Variants in YES1 observed in about 807,000 individuals in gnomAD.
YES1 encodes the protein YES proto-oncogene 1, Src family tyrosine kinase.
A neutral mutation model predicts 70.4 loss-of-function variants in YES1; 39 were observed. The ratio of observed to expected loss-of-function variants is 0.55; its 90% CI spans 0.43 to 0.72. YES1 has a LOEUF of 0.72. YES1 is among the 30% of genes least tolerant of loss of function. The pLI is 0.00. For synonymous variants in YES1, 198 were observed against 218.6 expected (o/e 0.91, Z 0.83); for missense variants, 495 against 644.8 (o/e 0.77, Z 2.52).
At chr18:765,152 T>G (rs1904818453) in intron 1 of YES1, among the ~76,000 whole-genome samples, 1 of 148,988 alleles carries the variant, frequency 6.7e-6, no homozygotes, top group African/African-American at 2.5e-5. Flanking sequence ...GGGAGAGAAA[T>G]TAGGAAGCAA....
intron 1 of YES1, among the ~76,000 whole-genome samples, chr18:784,173 TAAG>T (rs1221370241): frequency 6.6e-6 from 1 of 152,220 alleles, no homozygotes; most frequent in African/African-American, 2.4e-5. Flanking sequence ...TTCTCATATT[TAAG>T]AAGAATTAAG....
chr18:739,552 G>T lies in YES1; in HGVS notation c.1137+183C>A, dbSNP rs113819660. The T allele has an allele frequency of 8.9e-4, 381 of 426,988 alleles. 2 individuals carry two copies. The highest frequency in any genetic ancestry group is 7.4e-3 in the African/African-American group (360 of 48,858). The allele number at this position is 426,988 out of a possible 1,614,324, so 26.4% of individuals were successfully genotyped here. A position where few individuals can be genotyped will look rare whatever the true frequency, so the allele number is the denominator to read the frequency against. On this transcript the variant is annotated intron_variant, in intron 9 of 11. Coordinates refer to ENST00000314574, the MANE Select transcript of YES1 (RefSeq NM_005433.4). The stretch of plus-strand genomic sequence containing the variant: ...CAAGAATTCAAGGCTCTTCAAGCAC[G>T]GAGCTATCAGTGCACCACTGCATTC...
At chr18:758,303 A>T (rs1904396152) in intron 1 of YES1, among the ~76,000 whole-genome samples, 1 of 152,190 alleles carries the variant, frequency 6.6e-6, no homozygotes, top group Non-Finnish European at 1.5e-5. Context: ...AGGGCTCAAG[A>T]GTTGTATATG....
In YES1 at chr18:734,096, C is replaced by G. The variant is rs183168297; in HGVS notation, c.1292-1131G>C. 2.0e-5 allele frequency among the ~76,000 whole-genome samples: 3 copies of G among 151,474 alleles called. No homozygotes were observed. In the East Asian group the frequency reaches 5.9e-4, roughly 30 times the overall value. ...GAGTTCAAGACCAGCCTGGCCAACA[C>G]GGTGAAACCCTGTCTGTACCAAAAA... On this transcript the variant is annotated intron_variant, in intron 10 of 11. Coordinates refer to ENST00000314574, the MANE Select transcript of YES1 (RefSeq NM_005433.4).
intron 4 of YES1, 133 bp downstream of exon 4, chr18:747,787 C>T: frequency 1.4e-6 from 1 of 708,928 alleles, no homozygotes; most frequent in South Asian, 2.3e-5. Context: ...TAAGTAACAT[C>T]TATTAATATG....
chr18:762,682 CACCAAA>C (rs1299922794), intron 1 of YES1, among the ~76,000 whole-genome samples: 1 of 152,090 alleles, frequency 6.6e-6, no homozygotes, highest in African/African-American at 2.4e-5. Context: ...GTGACGGGTG[CACCAAA>C]ACCTCAGAAT....
At chr18:774,322 T>A (rs907048380) in intron 1 of YES1, among the ~76,000 whole-genome samples, 2 of 152,220 alleles carry the variant, frequency 1.3e-5, no homozygotes, top group African/African-American at 4.8e-5. Flanking sequence ...AAATACCACC[T>A]GCAAATTGAT....
At chr18:790,983 C>T (rs1906214676) in intron 1 of YES1, among the ~76,000 whole-genome samples, 1 of 152,150 alleles carries the variant, frequency 6.6e-6, no homozygotes, top group Admixed American at 6.6e-5. Flanking sequence ...GGTGCAGTGG[C>T]TCAAGCCTAT....
intron 8 of YES1, among the ~76,000 whole-genome samples, chr18:740,362 A>G (rs1358240553): frequency 1.3e-5 from 2 of 152,234 alleles, no homozygotes; most frequent in African/African-American, 4.8e-5. Flanking sequence ...AACCAAATTA[A>G]GGCACATTTA....
At chr18:743,494 A>C (rs184202276) in intron 6 of YES1, 79 bp from the exon 7 acceptor site, 73 of 1,207,748 alleles carry the variant, frequency 6.0e-5, no homozygotes, top group Non-Finnish European at 6.8e-5. Context: ...TTTTAAGTTT[A>C]AACTGTAGAA....
intron 1 of YES1, among the ~76,000 whole-genome samples, chr18:809,136 C>T (rs1184766062): frequency 6.6e-6 from 1 of 152,070 alleles, no homozygotes; most frequent in Non-Finnish European, 1.5e-5. Flanking sequence ...TTTTGATTAT[C>T]TTCTATTGGT....
rs911279142 is a variant in YES1 at position 742,627 on chromosome 18, A to T, written c.1060+291T>A. 2.6e-5 allele frequency among the ~76,000 whole-genome samples: 4 copies of T among 152,250 alleles called. No homozygotes were observed. In the East Asian group the frequency reaches 7.7e-4, roughly 29 times the overall value. On this transcript the variant is annotated intron_variant, in intron 8 of 11. Coordinates refer to ENST00000314574, the MANE Select transcript of YES1 (RefSeq NM_005433.4). ...TCTTTCTGATTTTATCATTTTAATT[A>T]AATGTGTACAAACACTTTCTATTTT...
At chr18:741,505 T>C (rs1203602582) in intron 8 of YES1, among the ~76,000 whole-genome samples, 1 of 152,124 alleles carries the variant, frequency 6.6e-6, no homozygotes, top group Non-Finnish European at 1.5e-5. Context: ...AATATACTCT[T>C]TGAAAGGGCA....
intron 1 of YES1, among the ~76,000 whole-genome samples, chr18:768,026 T>C (rs933109800): frequency 1.3e-5 from 2 of 152,184 alleles, no homozygotes; most frequent in African/African-American, 4.8e-5. Context: ...AAAATTGCTT[T>C]AAATACTCTA....
chr18:732,126 A>T (rs2080097517), intron 11 of YES1, among the ~76,000 whole-genome samples: 2 of 151,670 alleles, frequency 1.3e-5, no homozygotes, highest in Admixed American at 1.3e-4. Flanking sequence ...TGAAGAAAAC[A>T]AGGCAAGTAC....
At chr18:736,594 T>C (rs1055739848) in intron 10 of YES1, 15 of 483,234 alleles carry the variant, frequency 3.1e-5, no homozygotes, top group Non-Finnish European at 4.6e-5. Context: ...ACTTGCTCTA[T>C]GTATAATGCA....
chr18:804,483 C>T (rs1906983998), intron 1 of YES1, among the ~76,000 whole-genome samples: 2 of 151,554 alleles, frequency 1.3e-5, no homozygotes, highest in Admixed American at 1.3e-4. Flanking sequence ...GTGGCACACA[C>T]CTGTAATCCC....
At chr18:797,767 C>T (rs1015154485) in intron 1 of YES1, among the ~76,000 whole-genome samples, 3 of 152,288 alleles carry the variant, frequency 2.0e-5, no homozygotes, top group Non-Finnish European at 2.9e-5. Context: ...CCTTTTAAGA[C>T]ATCATCTAAT....
At chr18:746,345 CCTTT>C in intron 4 of YES1, among the ~76,000 whole-genome samples, 1 of 152,202 alleles carries the variant, frequency 6.6e-6, no homozygotes, top group South Asian at 2.1e-4. Flanking sequence ...AATAACAGAC[CCTTT>C]CTGTCAGTGA....
Sources: allele counts gnomAD v4.1 joint callset (sites outside exome capture counted in the v4.1 genomes callset), GRCh38; gene constraint gnomAD v4.1.1; transcripts MANE v1.5; gene names NCBI Gene and HGNC (gene_info 2026-07-23, HGNC 2026-07-21).